Variants in APBA2 observed in about 807,000 individuals in gnomAD.
APBA2 encodes the protein amyloid-beta A4 precursor protein-binding family A member 2.
A neutral mutation model predicts 75.0 loss-of-function variants in APBA2; 30 were observed. The observed-to-expected ratio is 0.40, with a 90% CI of 0.30 to 0.54. APBA2 has a LOEUF of 0.54. Ranked by LOEUF, APBA2 falls within the 20% of genes least tolerant of loss-of-function variation. APBA2 has a pLI of 0.49. For missense variants in APBA2, 801 were observed against 1,016.1 expected (o/e 0.79, Z 2.88); for synonymous variants, 444 against 409.6 (o/e 1.08, Z -1.01).
At chr15:29,045,103 C>CTCTCTCTCTCTCTCTTTCTT (rs57446098) in intron 3 of APBA2, among the ~76,000 whole-genome samples, 1,823 of 140,372 alleles carry the variant, frequency 0.013, 60 homozygotes, top group African/African-American at 0.047. Flanking sequence ...CTCTCTCTCT[C>CTCTCTCTCTCTCTCTTTCTT]GTCTCGCACT....
intron 5 of APBA2, among the ~76,000 whole-genome samples, chr15:29,075,295 AT>A (rs1484728964): frequency 6.6e-6 from 1 of 152,114 alleles, no homozygotes. Flanking sequence ...GTACTACTTA[AT>A]TTTATAAAAA....
chr15:29,026,759 GA>G (rs11408948), intron 3 of APBA2, among the ~76,000 whole-genome samples: 2,273 of 145,904 alleles, frequency 0.016, 17 homozygotes, highest in African/African-American at 0.021. Context: ...TGAAAATACA[GA>G]AAAAAAAAAA....
At chr15:29,096,591 TTCTC>T (rs1311324928) in intron 8 of APBA2, among the ~76,000 whole-genome samples, 3 of 152,242 alleles carry the variant, frequency 2.0e-5, no homozygotes, top group African/African-American at 7.2e-5. Flanking sequence ...TTCAACTCCT[TTCTC>T]TTTCTAATGA....
chr15:28,969,866 G>A (rs1035067183), intron 2 of APBA2, among the ~76,000 whole-genome samples: 1 of 152,212 alleles, frequency 6.6e-6, no homozygotes, highest in African/African-American at 2.4e-5. Flanking sequence ...TGGAGGGAGC[G>A]TGGCGCCTAC....
chr15:28,932,049 A>T (rs1223544703), intron 2 of APBA2, among the ~76,000 whole-genome samples: 2 of 151,966 alleles, frequency 1.3e-5, no homozygotes, highest in African/African-American at 4.8e-5. Flanking sequence ...ATCCCAGGGG[A>T]TACGGCCACA....
chr15:28,948,755 C>T (rs564361043), intron 2 of APBA2, among the ~76,000 whole-genome samples: 10 of 152,128 alleles, frequency 6.6e-5, no homozygotes, highest in Admixed American at 1.3e-4. Flanking sequence ...GGCCTTGCGG[C>T]GGCATCTTTG....
intron 14 of APBA2, among the ~76,000 whole-genome samples, chr15:29,116,379 C>G (rs936224871): frequency 2.0e-5 from 3 of 152,118 alleles, no homozygotes; most frequent in Non-Finnish European, 2.9e-5. Flanking sequence ...GTAATCCCAG[C>G]ACTTTGGGAG....
rs142221915 is a variant in APBA2, at chr15:29,034,803, C to T, written c.-40-19042C>T. ...GTCCTGCCCCTGAGTTTTCATTGGTCTGGGGGAGGGCCCAAGAGTTTCTGT... is the reference window on the plus strand; with the variant it reads ...GTCCTGCCCCTGAGTTTTCATTGGTTTGGGGGAGGGCCCAAGAGTTTCTGT... On this transcript the variant is annotated intron_variant, in intron 3 of 14. Transcript: ENST00000683413. Among the ~76,000 whole-genome samples, 561 of 152,290 alleles carry T rather than the reference C, an allele frequency of 3.7e-3. 2 individuals are homozygous for T. The highest frequency in any genetic ancestry group is 5.7e-3 in the Non-Finnish European group (387 of 68,028).
At chr15:29,030,056 CAGA>C (rs2040410360) in intron 3 of APBA2, among the ~76,000 whole-genome samples, 1 of 152,190 alleles carries the variant, frequency 6.6e-6, no homozygotes, top group South Asian at 2.1e-4. Context: ...TGCAGGGTTG[CAGA>C]AGAACTAGGT....
At chr15:29,056,258 G>C (rs981268490) in intron 4 of APBA2, among the ~76,000 whole-genome samples, 1 of 152,170 alleles carries the variant, frequency 6.6e-6, no homozygotes, top group Non-Finnish European at 1.5e-5. Context: ...CTTGCGATTG[G>C]AGAGCTGGGA....
At chr15:29,061,580 A>G (rs893690268) in intron 4 of APBA2, among the ~76,000 whole-genome samples, 5 of 152,400 alleles carry the variant, frequency 3.3e-5, no homozygotes, top group African/African-American at 7.2e-5. Flanking sequence ...AAAGGGAAGC[A>G]TGGTCGAGGG....
chr15:29,085,524 C>CAAA (rs777850421), intron 6 of APBA2, among the ~76,000 whole-genome samples: 2 of 57,124 alleles, frequency 3.5e-5, no homozygotes, highest in Admixed American at 1.9e-4. Flanking sequence ...GACTCCATCT[C>CAAA]AAAAAAAAAA....
chr15:28,895,893 C>G (rs1460317093), intron 1 of APBA2, among the ~76,000 whole-genome samples: 2 of 152,144 alleles, frequency 1.3e-5, no homozygotes, highest in Admixed American at 1.3e-4. Flanking sequence ...GGGAGGCTCG[C>G]TTAAGCCCAG....
chr15:29,074,146 T>C (rs2042744279), intron 4 of APBA2, among the ~76,000 whole-genome samples: 1 of 152,142 alleles, frequency 6.6e-6, no homozygotes, highest in Non-Finnish European at 1.5e-5. Context: ...TCCAGGTATG[T>C]ACGTAAAGGA....
intron 1 of APBA2, among the ~76,000 whole-genome samples, chr15:28,895,807 G>A (rs1228728248): frequency 6.6e-6 from 1 of 152,094 alleles, no homozygotes. Flanking sequence ...CTGCTTGTTA[G>A]GCTCCTTAGA....
intron 6 of APBA2, among the ~76,000 whole-genome samples, chr15:29,081,833 G>A (rs2043095594): frequency 6.6e-6 from 1 of 152,264 alleles, no homozygotes; most frequent in Non-Finnish European, 1.5e-5. Context: ...AGTCAGTGCA[G>A]CAGTGAACAG....
At chr15:29,057,652 A>G (rs1392260217) in intron 4 of APBA2, among the ~76,000 whole-genome samples, 4 of 152,234 alleles carry the variant, frequency 2.6e-5, no homozygotes, top group African/African-American at 9.6e-5. Flanking sequence ...ATGTCACCAT[A>G]TAATTTTCAT....
intron 7 of APBA2, 116 bp downstream of exon 7, chr15:29,093,336 C>A (rs1443438475): frequency 1.4e-6 from 2 of 1,456,184 alleles, no homozygotes; most frequent in Admixed American, 2.0e-5. Flanking sequence ...GCCCTCAGCA[C>A]AGGGGGCAGG....
rs945773249 is a variant in APBA2 at position 29,076,202 on chromosome 15, A to G, written c.1069+111A>G. 1.0e-5 allele frequency: 12 copies of G among 1,172,212 alleles called. No homozygotes were observed. In the Admixed American group the frequency reaches 1.9e-4, roughly 18 times the overall value. The allele number at this position is 1,172,212 out of a possible 1,614,324, so 72.6% of individuals were successfully genotyped here. ...CAAAGCTTGTTTACAAAGCGTGCCT[A>G]CCTACCAGCAAGGTGCTTGGCCATT... On this transcript the variant is annotated intron_variant, in intron 6 of 14. Coordinates refer to ENST00000683413, the MANE Select transcript of APBA2 (RefSeq NM_001353788.2).
Sources: gnomAD v4.1 joint callset for allele counts (sites outside exome capture counted in the v4.1 genomes callset) on GRCh38, gnomAD v4.1.1 for gene constraint, MANE v1.5 for transcripts, NCBI Gene and HGNC (gene_info 2026-07-23, HGNC 2026-07-21) for gene names.